Variants in PCID2 observed in about 807,000 individuals in gnomAD.
PCID2 encodes PCI domain containing 2.
Under a neutral mutation model 61.3 loss-of-function variants are expected in PCID2, and 41 were observed. The ratio of observed to expected loss-of-function variants is 0.67; its 90% CI spans 0.52 to 0.87. PCID2 has a LOEUF of 0.87. Ranked by LOEUF, PCID2 falls within the 40% of genes least tolerant of loss-of-function variation. PCID2 has a pLI of 0.00. For synonymous variants in PCID2, 187 were observed against 177.8 expected, an observed-to-expected ratio of 1.05 and a Z score of -0.41; for missense variants, 392 against 493.4, an observed-to-expected ratio of 0.79 and a Z score of 1.95.
intron 9 of PCID2, chr13:113,183,771 T>C (rs1291337539): frequency 1.0e-6 from 1 of 984,986 alleles, no homozygotes; most frequent in Non-Finnish European, 1.2e-6. Context: ...TAGTTTCCTG[T>C]TCTTGAGAAA....
At chr13:113,197,781 AT>A (rs1254258779) in intron 3 of PCID2, among the ~76,000 whole-genome samples, 1 of 152,244 alleles carries the variant, frequency 6.6e-6, no homozygotes, top group African/African-American at 2.4e-5. Flanking sequence ...TAAGGACACA[AT>A]CTTCTGCCTG....
chr13:113,197,025 G>T (rs147592475), intron 4 of PCID2, 153 bp downstream of exon 4: 2 of 1,612,096 alleles, frequency 1.2e-6, no homozygotes, highest in African/African-American at 2.7e-5. Context: ...GTACCCAAGT[G>T]AAAGAGCTGA....
At chr13:113,172,164 C>A in the PCID2 span, 2 of 1,592,044 alleles carry the variant, frequency 1.3e-6, no homozygotes, top group Non-Finnish European at 1.7e-6. Context: ...CAAGCTGGCA[C>A]TGCCACTGTG....
Position 113,178,991 on chromosome 13 carries a change from C to T in PCID2, c.1085G>A (p.Cys362Tyr), listed in dbSNP as rs1343347406. 1 of 1,613,960 alleles carries T rather than the reference C, an allele frequency of 6.2e-7. No homozygotes were observed. Among genetic ancestry groups the T allele is most frequent in the Non-Finnish European group, 8.5e-7 (1 of 1,179,912 alleles). Reference sequence around the variant, plus strand: ...CATGTATATCAAGTTAGCCAGAATACACTGAACTTCGTCAATGTCCACGTC... The same window carrying T: ...CATGTATATCAAGTTAGCCAGAATATACTGAACTTCGTCAATGTCCACGTC... ...VEDVDIDEVQ[C>Y]ILANLIYMGH... The change falls in exon 13 of 14, where the codon TGT (cysteine) becomes TAT (tyrosine). Residue 362 changes from cysteine to tyrosine, a missense_variant. Cys to Tyr is a radical substitution (Grantham distance 194). Coordinates refer to ENST00000337344, the MANE Select transcript of PCID2 (RefSeq NM_001127202.4).
chr13:113,179,215 A>C lies in PCID2; in HGVS notation c.987-126T>G. On this transcript the variant is annotated intron_variant, in intron 12 of 13. Coordinates refer to ENST00000337344, the MANE Select transcript of PCID2 (RefSeq NM_001127202.4). The surrounding 1 kb of genome is among the most constrained non-coding windows in gnomAD (Gnocchi z 4.3). ...AAAAAAATTCCCACCTATTAGATAA[A>C]CTCTAAACTACACTCTCAGAGCTAT... The C allele has an allele frequency of 3.2e-6, 2 of 630,390 alleles. No homozygotes were observed. Among genetic ancestry groups the C allele is most frequent in the Non-Finnish European group, 5.3e-6 (2 of 377,980 alleles). The allele number at this position is 630,390 out of a possible 1,614,324, so 39.0% of individuals were successfully genotyped here.
At chr13:113,176,466 T>G, downstream of PCID2, among the ~76,000 whole-genome samples, 1 of 152,426 alleles carries the variant, frequency 6.6e-6, no homozygotes, top group Non-Finnish European at 1.5e-5. Flanking sequence ...ACTGTGGCCT[T>G]ATAAGAGGAA....
At position 113,198,787 on chromosome 13, in the gene PCID2, A is replaced by G. The variant is rs550707254; in HGVS notation, c.127-523T>C. On this transcript the variant is annotated intron_variant, in intron 2 of 13. Coordinates refer to ENST00000337344, the MANE Select transcript of PCID2 (RefSeq NM_001127202.4). ...AGGGGAAAAAGAAGCCCATGAATAT[A>G]ATTTGGTCTCGCCTTCTGCAAGTCA... Among the ~76,000 whole-genome samples the G allele has an allele frequency of 3.3e-5, 5 of 152,364 alleles. No individual in the cohort carries two copies. The East Asian group carries it at 9.6e-4, about 29-fold the overall frequency.
chr13:113,185,420 G>T, intron 8 of PCID2, 65 bp downstream of exon 8: 1 of 1,061,486 alleles, frequency 9.4e-7, no homozygotes, highest in Non-Finnish European at 1.5e-6. Context: ...ATATATATAT[G>T]ATATGTGGGA....
At chr13:113,193,818 T>C (rs2038798313) in intron 6 of PCID2, among the ~76,000 whole-genome samples, 1 of 152,228 alleles carries the variant, frequency 6.6e-6, no homozygotes, top group Non-Finnish European at 1.5e-5. Context: ...CTAAATTGCT[T>C]GCTGAATCAA....
At chr13:113,204,687 G>C (rs2039674733) in intron 1 of PCID2, among the ~76,000 whole-genome samples, 1 of 152,184 alleles carries the variant, frequency 6.6e-6, no homozygotes, top group East Asian at 1.9e-4. Context: ...GTGTCCCAGG[G>C]GTGGTCCTAT....
chr13:113,208,339 G>C (rs1426413183), intron 1 of PCID2: 1 of 1,431,928 alleles, frequency 7.0e-7, no homozygotes, highest in Non-Finnish European at 9.1e-7. Context: ...TGGGACCGCC[G>C]CGTCTACTTA....
At position 113,198,191 on chromosome 13, in the gene PCID2, C is replaced by G; in HGVS notation, c.200G>C (p.Arg67Thr). The G allele has an allele frequency of 1.9e-6, 3 of 1,596,874 alleles. No individual in the cohort carries two copies. The highest frequency in any genetic ancestry group is 2.6e-6 in the Non-Finnish European group (3 of 1,170,756). The change falls in exon 3 of 14, where the codon AGG becomes ACG. Residue 67 changes from arginine to threonine, a missense_variant and splice_region_variant. Arg to Thr is a moderately conservative substitution (Grantham distance 71). Coordinates refer to ENST00000337344, the MANE Select transcript of PCID2 (RefSeq NM_001127202.4). ...PYDEMFAAHLRCTYAVGNHDF... is the reference protein window; with the variant it reads ...PYDEMFAAHLTCTYAVGNHDF... ...TTTTTCTTCCTCCCCAACAGATTAC[C>G]TTAAATGAGCTGCAAACATTTCATC...
At chr13:113,172,834 T>C (rs2037139855), downstream of PCID2, among the ~76,000 whole-genome samples, 1 of 152,182 alleles carries the variant, frequency 6.6e-6, no homozygotes, top group Non-Finnish European at 1.5e-5. Context: ...TTCCACCTCT[T>C]CATGCCTCAG....
chr13:113,189,403 T>A (rs2038405000), intron 7 of PCID2, among the ~76,000 whole-genome samples: 1 of 152,150 alleles, frequency 6.6e-6, no homozygotes, highest in Non-Finnish European at 1.5e-5. Flanking sequence ...GGTATTCCCC[T>A]TTTCTTACAT....
chr13:113,175,200 G>T (rs1395291460), downstream of PCID2, among the ~76,000 whole-genome samples: 1 of 152,108 alleles, frequency 6.6e-6, no homozygotes, highest in Non-Finnish European at 1.5e-5. Flanking sequence ...GTTCTTTATA[G>T]CAGCGTGAGA....
At chr13:113,188,788 G>A (rs979692432) in intron 7 of PCID2, among the ~76,000 whole-genome samples, 1 of 152,126 alleles carries the variant, frequency 6.6e-6, no homozygotes, top group African/African-American at 2.4e-5. Flanking sequence ...TTCATTCCTT[G>A]GCCTTTACAT....
the PCID2 span, chr13:113,171,586 G>C: frequency 6.2e-7 from 1 of 1,614,028 alleles, no homozygotes; most frequent in Non-Finnish European, 8.5e-7. The surrounding 1 kb of genome is among the most constrained non-coding windows in gnomAD (Gnocchi z 5.1). Context: ...GATTGTTCAT[G>C]ATTTCAGATT....
At chr13:113,193,815 G>A (rs2138833648) in intron 6 of PCID2, among the ~76,000 whole-genome samples, 1 of 152,184 alleles carries the variant, frequency 6.6e-6, no homozygotes, top group East Asian at 1.9e-4. Context: ...GTTCTAAATT[G>A]CTTGCTGAAT....
downstream of PCID2, among the ~76,000 whole-genome samples, chr13:113,173,659 T>C (rs986399068): frequency 3.3e-5 from 5 of 152,182 alleles, no homozygotes; most frequent in African/African-American, 1.2e-4. Flanking sequence ...TGAAAGGTCC[T>C]TGGCAAAAAG....
Sources: gnomAD v4.1 joint callset for allele counts (sites outside exome capture counted in the v4.1 genomes callset) on GRCh38, gnomAD v4.1.1 for gene constraint, Gnocchi (gnomAD v3.1) non-coding constraint, MANE v1.5 for transcripts, NCBI Gene and HGNC (gene_info 2026-07-23, HGNC 2026-07-21) for gene names.